The following C1orf52 variants were observed in gnomAD, a reference collection of about 807,000 sequenced individuals.
C1orf52 encodes UPF0690 protein C1orf52.
C1orf52 carries 5 observed loss-of-function variants against 17.2 expected under a neutral mutation model. That is an observed-to-expected ratio of 0.29 (90% CI 0.15 to 0.61). The LOEUF is 0.61. Among genes scored for constraint, C1orf52 ranks in the 20% least tolerant of loss-of-function variants. C1orf52 has a pLI of 0.85. For missense variants in C1orf52, 245 were observed against 234.1 expected (o/e 1.05, Z -0.30); for synonymous variants, 110 against 88.0 (o/e 1.25, Z -1.40).
rs1659807616 is a variant in C1orf52 at position 85,251,747 on chromosome 1, A to T, written c.*882T>A. On this transcript the variant is annotated 3_prime_UTR_variant, in exon 3 of 3. Coordinates refer to ENST00000471115, the MANE Select transcript of C1orf52 (RefSeq NM_198077.4). ...TTAATAAAGAAATTAATGAATAACC[A>T]TAAAGCACAGATGACAAGTACAGTC... 1 of 152,252 alleles carries T rather than the reference A, an allele frequency of 6.6e-6. No homozygotes were observed. The highest frequency in any genetic ancestry group is 2.4e-5 in the African/African-American group (1 of 41,470). 9.4% of individuals were successfully genotyped at this position (152,252 alleles called of 1,614,324 possible).
Position 85,254,225 on chromosome 1 carries a change from C to G in C1orf52, c.476-1523G>C, listed in dbSNP as rs369634063. On this transcript the variant is annotated intron_variant, in intron 2 of 2. Transcript: ENST00000471115. Reference sequence around the variant, plus strand: ...ACGGTGATGTTATTCATATGCTTCACAGAGCACTATGGATTTATGTAGGCA... The same window carrying G: ...ACGGTGATGTTATTCATATGCTTCAGAGAGCACTATGGATTTATGTAGGCA... Among the ~76,000 whole-genome samples the G allele has an allele frequency of 1.6e-4, 25 of 152,252 alleles. 1 individual carries two copies. Among genetic ancestry groups the G allele is most frequent in the East Asian group, 7.7e-4 (4 of 5,182 alleles).
Position 85,258,504 on chromosome 1 carries a change from C to A in C1orf52, c.475+20G>T, listed in dbSNP as rs1378706245. 2.5e-6 allele frequency: 4 copies of A among 1,597,204 alleles called. No homozygotes were observed. The South Asian group carries it at 4.5e-5, about 18-fold the overall frequency. On this transcript the variant is annotated intron_variant, in intron 2 of 2. Coordinates refer to ENST00000471115, the MANE Select transcript of C1orf52 (RefSeq NM_198077.4). ...CACGGGGATCAAAATAGACCACCAT[C>A]GGATTCTGACTTTCCTTACCTGATT...
chr1:85,259,106 G>A lies in C1orf52; in HGVS notation c.276+252C>T, dbSNP rs140493318. ...GGAGTCACCACTGTTAGTCCTCGCC[G>A]CGCGGGGTCGGGGCACCGAGCGCGG... is the stretch of plus-strand genomic sequence containing the variant. On this transcript the variant is annotated intron_variant, in intron 1 of 2. Transcript: ENST00000471115. The A allele has an allele frequency of 1.4e-4, 185 of 1,352,290 alleles. 1 individual carries two copies. In the East Asian group the frequency reaches 5.2e-3, roughly 38 times the overall value. 83.8% of individuals were successfully genotyped at this position (1,352,290 alleles called of 1,614,324 possible).
chr1:85,259,511 C>T lies in C1orf52; in HGVS notation c.123G>A (p.Pro41=), dbSNP rs770168442. Residue 41 remains proline (P), a synonymous_variant, in exon 1 of 3, where the codon CCG becomes CCA. Transcript: ENST00000471115. ...TCCTACAGCCGCCCGCCGACTTCGC[C>T]GGATCCGGGGTTCTGCGACTCGTCT... ...PEETSRRTPD[P]AKSAGGCRNK... The T allele has an allele frequency of 1.2e-6, 2 of 1,613,784 alleles. No homozygotes were observed. Among genetic ancestry groups the T allele is most frequent in the Middle Eastern group, 1.7e-4 (1 of 5,904 alleles).
intron 1 of C1orf52, chr1:85,258,949 G>C (rs979394417): frequency 7.1e-7 from 1 of 1,399,158 alleles, no homozygotes; most frequent in Non-Finnish European, 9.2e-7. Flanking sequence ...GAAGAATCCA[G>C]TCTCAGAGAT....
In C1orf52 at chr1:85,250,120, T is replaced by G. The variant is rs971038589; in HGVS notation, c.*2509A>C. 3 of 152,144 alleles carry G rather than the reference T, an allele frequency of 2.0e-5. No homozygotes were observed. Among genetic ancestry groups the G allele is most frequent in the African/African-American group, 7.2e-5 (3 of 41,420 alleles). The allele number at this position is 152,144 out of a possible 1,614,324, so 9.4% of individuals were successfully genotyped here. ...TGATGGTTTTTAAAACCATCAGATCTCGTAAGACTCATTCACTATCATAAG... is the reference window on the plus strand; with the variant it reads ...TGATGGTTTTTAAAACCATCAGATCGCGTAAGACTCATTCACTATCATAAG... On this transcript the variant is annotated 3_prime_UTR_variant, in exon 3 of 3. Coordinates refer to ENST00000471115, the MANE Select transcript of C1orf52 (RefSeq NM_198077.4).
intron 1 of C1orf52, 70 bp from the exon 2 acceptor site, chr1:85,258,792 A>T: frequency 1.4e-6 from 2 of 1,432,958 alleles, no homozygotes; most frequent in Non-Finnish European, 1.8e-6. Context: ...GGCACATGCA[A>T]CTCCCTGCCG....
chr1:85,258,034 G>A (rs1296569687), intron 2 of C1orf52, among the ~76,000 whole-genome samples: 1 of 151,844 alleles, frequency 6.6e-6, no homozygotes, highest in African/African-American at 2.4e-5. Flanking sequence ...CAGGATAATC[G>A]CTTGAACCTG....
chr1:85,259,263 T>A, intron 1 of C1orf52, 95 bp downstream of exon 1: 1 of 1,269,614 alleles, frequency 7.9e-7, no homozygotes. Context: ...GGTGACTGCG[T>A]GTGGGGGGAT....
At chr1:85,254,130 T>G (rs1659868390) in intron 2 of C1orf52, among the ~76,000 whole-genome samples, 2 of 152,166 alleles carry the variant, frequency 1.3e-5, no homozygotes, top group African/African-American at 4.8e-5. Flanking sequence ...TGTACCATAA[T>G]CAGAATATCT....
intron 2 of C1orf52, among the ~76,000 whole-genome samples, chr1:85,256,498 T>C (rs1659939745): frequency 6.6e-6 from 1 of 152,182 alleles, no homozygotes; most frequent in African/African-American, 2.4e-5. Context: ...AATATATTTT[T>C]ACTAATTATG....
intron 2 of C1orf52, among the ~76,000 whole-genome samples, chr1:85,254,725 C>T (rs1659887846): frequency 6.6e-6 from 1 of 152,186 alleles, no homozygotes; most frequent in African/African-American, 2.4e-5. Context: ...TATCACTAAG[C>T]TCCTCTTTTG....
intron 2 of C1orf52, among the ~76,000 whole-genome samples, chr1:85,254,422 T>C (rs1659877074): frequency 6.6e-6 from 1 of 151,914 alleles, no homozygotes; most frequent in African/African-American, 2.4e-5. Flanking sequence ...GATGGAGTCT[T>C]GCTCTGTTGC....
Position 85,258,642 on chromosome 1 carries a change from A to G in C1orf52, c.357T>C (p.Pro119=), listed in dbSNP as rs139806979. Residue 119 remains proline, a synonymous_variant, in exon 2 of 3, where the codon CCT becomes CCC. Coordinates refer to ENST00000471115, the MANE Select transcript of C1orf52 (RefSeq NM_198077.4). ...ATTTTATTGCCATGTCAAGCTCTGGAGGCGGAGGCTTCTTCTCAGTGGTGT... is the reference window on the plus strand; with the variant it reads ...ATTTTATTGCCATGTCAAGCTCTGGGGGCGGAGGCTTCTTCTCAGTGGTGT... ...ETYTTEKKPP[P]PELDMAIKWS... 65 of 1,613,962 alleles carry G rather than the reference A, an allele frequency of 4.0e-5. No individual in the cohort carries two copies. Among genetic ancestry groups the G allele is most frequent in the Non-Finnish European group, 5.1e-5 (60 of 1,179,944 alleles).
intron 1 of C1orf52, 65 bp downstream of exon 1, chr1:85,259,293 G>A (rs201686514): frequency 6.5e-6 from 10 of 1,549,320 alleles, no homozygotes; most frequent in Admixed American, 1.8e-5. Context: ...GTCCCCAGCA[G>A]GGGGCTCAGG....
intron 2 of C1orf52, among the ~76,000 whole-genome samples, chr1:85,255,980 A>T (rs1412237626): frequency 6.6e-6 from 1 of 152,214 alleles, no homozygotes; most frequent in Non-Finnish European, 1.5e-5. Flanking sequence ...AGAAAAAGAT[A>T]ATTCTTTCTT....
intron 2 of C1orf52, among the ~76,000 whole-genome samples, chr1:85,253,503 C>T (rs1470860685): frequency 2.0e-5 from 3 of 152,078 alleles, no homozygotes; most frequent in African/African-American, 7.2e-5. Flanking sequence ...GTTCTAATTC[C>T]CATCCCCGCC....
At chr1:85,258,806 G>A (rs1390978353) in intron 1 of C1orf52, 84 bp from the exon 2 acceptor site, 5 of 1,420,522 alleles carry the variant, frequency 3.5e-6, no homozygotes, top group Non-Finnish European at 4.6e-6. Flanking sequence ...CCTGCCGTTC[G>A]CTTATCGTTC....
rs1659792697 is a variant in C1orf52 at position 85,251,178 on chromosome 1, C to T, written c.*1451G>A. 6.6e-6 allele frequency: 1 copy of T among 151,960 alleles called. No individual in the cohort carries two copies. Among genetic ancestry groups the T allele is most frequent in the Non-Finnish European group, 1.5e-5 (1 of 67,966 alleles). The allele number at this position is 151,960 out of a possible 1,614,324, so 9.4% of individuals were successfully genotyped here. A position where few individuals can be genotyped will look rare whatever the true frequency, so the allele number is the denominator to read the frequency against. On this transcript the variant is annotated 3_prime_UTR_variant, in exon 3 of 3. Coordinates refer to ENST00000471115, the MANE Select transcript of C1orf52 (RefSeq NM_198077.4). ...TTTTATCTTCCACAATGGGGAAAAA[C>T]AGATTTAAAAAAAAATACTTAGATT... is the stretch of plus-strand genomic sequence containing the variant.
Sources: allele counts gnomAD v4.1 joint callset (sites outside exome capture counted in the v4.1 genomes callset), GRCh38; gene constraint gnomAD v4.1.1; transcripts MANE v1.5; gene names NCBI Gene and HGNC (gene_info 2026-07-23, HGNC 2026-07-21).